The following DNAJB14 variants were observed in gnomAD, a reference collection of about 807,000 sequenced individuals.
The protein encoded by DNAJB14 is DnaJ heat shock protein family (Hsp40) member B14, also known as dnaJ homolog subfamily B member 14.
In DNAJB14, 22 loss-of-function variants were observed where a neutral mutation model predicts 48.4. The observed-to-expected ratio is 0.45, with a 90% CI of 0.32 to 0.65. DNAJB14 has a LOEUF of 0.65. Ranked by LOEUF, DNAJB14 falls within the 30% of genes least tolerant of loss-of-function variation. The pLI is 0.03. For synonymous variants in DNAJB14, 142 were observed against 158.7 expected, an observed-to-expected ratio of 0.89 and a Z score of 0.79; for missense variants, 319 against 458.8, an observed-to-expected ratio of 0.70 and a Z score of 2.78.
intron 1 of DNAJB14, among the ~76,000 whole-genome samples, chr4:99,935,883 C>G (rs1213155433): frequency 6.6e-6 from 1 of 152,080 alleles, no homozygotes; most frequent in African/African-American, 2.4e-5. Context: ...GCCTGGCCAA[C>G]ATGGTGAAAC....
intron 3 of DNAJB14, among the ~76,000 whole-genome samples, chr4:99,909,256 T>G (rs1332248148): frequency 6.6e-6 from 1 of 151,998 alleles, no homozygotes; most frequent in Non-Finnish European, 1.5e-5. Flanking sequence ...TGCCAGGCTC[T>G]GCACCCAATA....
At chr4:99,911,433 T>G (rs1262583470) in intron 3 of DNAJB14, among the ~76,000 whole-genome samples, 1 of 152,190 alleles carries the variant, frequency 6.6e-6, no homozygotes, top group Non-Finnish European at 1.5e-5. Flanking sequence ...CTGGGTTGTA[T>G]AGTAGCTGCA....
rs377555065 is a variant in DNAJB14 at position 99,901,675 on chromosome 4, TG to T, written c.1016-524del. Among the ~76,000 whole-genome samples, 92 of 152,290 alleles carry T rather than the reference TG, an allele frequency of 6.0e-4. 1 individual carries two copies. The highest frequency in any genetic ancestry group is 1.9e-3 in the African/African-American group (77 of 41,560). On this transcript the variant is annotated intron_variant, in intron 7 of 7. Transcript: ENST00000442697. ...AATGCTTGTTATACGATCGTAATATTGCTATTCAGCAAATAAGTACTTCTGA... is the reference window on the plus strand; with the variant it reads ...AATGCTTGTTATACGATCGTAATATTCTATTCAGCAAATAAGTACTTCTGA...
At chr4:99,922,506 T>TA (rs1175355096) in intron 3 of DNAJB14, 1 of 151,190 alleles carries the variant, frequency 6.6e-6, no homozygotes, top group Non-Finnish European at 1.5e-5. Context: ...GGATGGAAAA[T>TA]AAAAAAATAA....
chr4:99,922,853 A>G, intron 3 of DNAJB14, 187 bp downstream of exon 3: 2 of 570,494 alleles, frequency 3.5e-6, no homozygotes, highest in African/African-American at 1.9e-5. Flanking sequence ...GCTTTTGTGA[A>G]GCCAAACTGC....
intron 2 of DNAJB14, chr4:99,926,656 G>A (rs897427407): frequency 1.3e-5 from 2 of 151,904 alleles, no homozygotes; most frequent in Non-Finnish European, 2.9e-5. Context: ...AACTTAAAAA[G>A]ACAGCTGGAT....
Position 99,897,188 on chromosome 4 carries a change from A to G in DNAJB14, c.*3840T>C, listed in dbSNP as rs759368107. The G allele has an allele frequency of 8.4e-4, 76 of 90,768 alleles. No homozygotes were observed. The highest frequency in any genetic ancestry group is 5.1e-3 in the Admixed American group (37 of 7,286). The allele number at this position is 90,768 out of a possible 1,614,324, so 5.6% of individuals were successfully genotyped here. A position where few individuals can be genotyped will look rare whatever the true frequency, so the allele number is the denominator to read the frequency against. On this transcript the variant is annotated 3_prime_UTR_variant, in exon 8 of 8. Transcript: ENST00000442697. ...CACACATTTGAGGTAATTAGCTGGG[A>G]AAAAAAAAAAAAAATATATATATAT...
chr4:99,931,459 T>C (rs1028779545), intron 1 of DNAJB14, among the ~76,000 whole-genome samples: 2 of 151,944 alleles, frequency 1.3e-5, no homozygotes, highest in Non-Finnish European at 2.9e-5. Context: ...CTTTCCATAA[T>C]AAAAGTTAAA....
intron 1 of DNAJB14, among the ~76,000 whole-genome samples, chr4:99,945,847 A>G (rs1188096822): frequency 6.6e-6 from 1 of 152,218 alleles, no homozygotes; most frequent in Non-Finnish European, 1.5e-5. Context: ...ATCAAATCAG[A>G]TACTCTTCAG....
At chr4:99,939,323 T>C (rs371442467) in intron 1 of DNAJB14, among the ~76,000 whole-genome samples, 1 of 152,194 alleles carries the variant, frequency 6.6e-6, no homozygotes, top group African/African-American at 2.4e-5. Flanking sequence ...GATTGTACCA[T>C]TGCATTCCGG....
Position 99,903,711 on chromosome 4 carries a change from A to G in DNAJB14, c.1015+15T>C. Reference sequence around the variant, plus strand: ...GCGAATAAGTTTTAAAATGTTAAACACATGACAAACTTACTTTGTTGTCTT... The same window carrying G: ...GCGAATAAGTTTTAAAATGTTAAACGCATGACAAACTTACTTTGTTGTCTT... On this transcript the variant is annotated intron_variant, in intron 7 of 7. Transcript: ENST00000442697. 1 of 1,601,670 alleles carries G rather than the reference A, an allele frequency of 6.2e-7. No homozygotes were observed.
At chr4:99,940,328 C>G (rs1256881868) in intron 1 of DNAJB14, among the ~76,000 whole-genome samples, 1 of 152,182 alleles carries the variant, frequency 6.6e-6, no homozygotes, top group African/African-American at 2.4e-5. Flanking sequence ...CGTGGTGGCT[C>G]ATGCTTGTAA....
intron 3 of DNAJB14, among the ~76,000 whole-genome samples, chr4:99,916,002 A>G (rs931707881): frequency 6.6e-6 from 1 of 152,172 alleles, no homozygotes; most frequent in Non-Finnish European, 1.5e-5. Flanking sequence ...TTTTTACTCT[A>G]AAACCTACTT....
intron 2 of DNAJB14, chr4:99,923,948 T>A (rs528699955): frequency 1.2e-6 from 1 of 847,874 alleles, no homozygotes; most frequent in East Asian, 1.2e-4. Flanking sequence ...ATTTTCATTG[T>A]GATAAGCACA....
chr4:99,900,299 T>A lies in DNAJB14; in HGVS notation c.*729A>T, dbSNP rs1055371392. The A allele has an allele frequency of 1.3e-5, 2 of 152,048 alleles. No homozygotes were observed. Among genetic ancestry groups the A allele is most frequent in the African/African-American group, 4.8e-5 (2 of 41,438 alleles). 9.4% of individuals were successfully genotyped at this position (152,048 alleles called of 1,614,324 possible). A position where few individuals can be genotyped will look rare whatever the true frequency, so the allele number is the denominator to read the frequency against. ...CCTTTTAGTTTAATATTTATAGCCATTTCCTCATATTTTCTTTAAAATTTA... is the reference window on the plus strand; with the variant it reads ...CCTTTTAGTTTAATATTTATAGCCAATTCCTCATATTTTCTTTAAAATTTA... On this transcript the variant is annotated 3_prime_UTR_variant, in exon 8 of 8. Transcript: ENST00000442697.
intron 2 of DNAJB14, chr4:99,924,701 A>T (rs1726183626): frequency 6.2e-7 from 1 of 1,602,234 alleles, no homozygotes; most frequent in South Asian, 1.1e-5. Flanking sequence ...TCTCCTAGAA[A>T]TGTTTAGAAG....
intron 3 of DNAJB14, among the ~76,000 whole-genome samples, chr4:99,918,293 T>C (rs1725929661): frequency 6.6e-6 from 1 of 152,248 alleles, no homozygotes; most frequent in South Asian, 2.1e-4. Flanking sequence ...TTTTGAGTTG[T>C]AAAATTTCTA....
chr4:99,942,622 T>C (rs1381445561), intron 1 of DNAJB14: 1 of 152,102 alleles, frequency 6.6e-6, no homozygotes, highest in Non-Finnish European at 1.5e-5. Context: ...AATAATATTC[T>C]CAACTAAAAA....
chr4:99,930,776 TAACTGTTTACAG>T (rs1404239409), intron 1 of DNAJB14, among the ~76,000 whole-genome samples, 155 bp from the exon 2 acceptor site: 1 of 152,192 alleles, frequency 6.6e-6, no homozygotes, highest in Non-Finnish European at 1.5e-5. Flanking sequence ...CCTAAGTACT[TAACTGTTTACAG>T]AACACTAATC....
Sources: gnomAD v4.1 joint callset for allele counts (sites outside exome capture counted in the v4.1 genomes callset) on GRCh38, gnomAD v4.1.1 for gene constraint, MANE v1.5 for transcripts, NCBI Gene and HGNC (gene_info 2026-07-23, HGNC 2026-07-21) for gene names.